Variants in TMEM108 observed in about 807,000 individuals in gnomAD.
TMEM108 encodes the protein cancer/testis antigen 124.
TMEM108 carries 12 observed loss-of-function variants against 35.1 expected under a neutral mutation model. The ratio of observed to expected loss-of-function variants is 0.34; its 90% CI spans 0.22 to 0.55. The LOEUF (loss-of-function observed/expected upper bound fraction) is 0.55, where lower values mean the gene tolerates loss of function less well. Among genes scored for constraint, TMEM108 ranks in the 20% least tolerant of loss-of-function variants. TMEM108 has a pLI of 0.89. For missense variants in TMEM108, 680 were observed against 753.3 expected (o/e 0.90, Z 1.14); for synonymous variants, 287 against 308.6 (o/e 0.93, Z 0.73).
At chr3:133,119,713 C>T (rs1342045005) in intron 2 of TMEM108, among the ~76,000 whole-genome samples, 1 of 152,148 alleles carries the variant, frequency 6.6e-6, no homozygotes, top group African/African-American at 2.4e-5. Flanking sequence ...AGGATTTCTT[C>T]TTGGCGATGT....
At position 133,309,699 on chromosome 3, in the gene TMEM108, T is replaced by C. The variant is rs1296746429; in HGVS notation, c.41-70053T>C. 2.1e-4 allele frequency among the ~76,000 whole-genome samples: 19 copies of C among 88,802 alleles called. No homozygotes were observed. In the East Asian group the frequency reaches 9.9e-3, roughly 46 times the overall value. 58.3% of individuals were successfully genotyped at this position (88,802 alleles called of 152,430 possible). A position where few individuals can be genotyped will look rare whatever the true frequency, so the allele number is the denominator to read the frequency against. Reference sequence around the variant, plus strand: ...GTGAGTTTCTTTTTTTTTTTTTTTTTTTTTTTTTTTTTTTTTTTTGAGACG... The same window carrying C: ...GTGAGTTTCTTTTTTTTTTTTTTTTCTTTTTTTTTTTTTTTTTTTGAGACG... On this transcript the variant is annotated intron_variant, in intron 3 of 5. Coordinates refer to ENST00000321871, the MANE Select transcript of TMEM108 (RefSeq NM_023943.4).
chr3:133,110,502 G>A (rs1331485997), intron 2 of TMEM108, among the ~76,000 whole-genome samples: 1 of 152,106 alleles, frequency 6.6e-6, no homozygotes, highest in African/African-American at 2.4e-5. Flanking sequence ...AGGCATGTTC[G>A]TGACATTTCT....
chr3:133,119,761 T>G (rs1238478649), intron 2 of TMEM108, among the ~76,000 whole-genome samples: 1 of 152,226 alleles, frequency 6.6e-6, no homozygotes, highest in African/African-American at 2.4e-5. Context: ...TAAAACTCCA[T>G]TTTTAAAAAC....
chr3:133,146,632 C>T (rs1944724747), intron 2 of TMEM108, among the ~76,000 whole-genome samples: 1 of 152,140 alleles, frequency 6.6e-6, no homozygotes, highest in Non-Finnish European at 1.5e-5. Context: ...ATTACTGCCT[C>T]AATTTTAGAA....
At chr3:133,044,204 A>G (rs529584835) in intron 1 of TMEM108, among the ~76,000 whole-genome samples, 6 of 152,262 alleles carry the variant, frequency 3.9e-5, no homozygotes, top group African/African-American at 1.4e-4. Context: ...ATGTTATGTA[A>G]TGTCAATTTT....
intron 3 of TMEM108, among the ~76,000 whole-genome samples, chr3:133,296,841 A>G (rs962621769): frequency 1.3e-5 from 2 of 152,216 alleles, no homozygotes; most frequent in Non-Finnish European, 2.9e-5. Flanking sequence ...ATTCTCAAGT[A>G]TAGAATCTCT....
At chr3:133,263,807 G>C (rs1946658307) in intron 3 of TMEM108, among the ~76,000 whole-genome samples, 1 of 152,180 alleles carries the variant, frequency 6.6e-6, no homozygotes, top group Admixed American at 6.5e-5. Context: ...CAAGGGATAG[G>C]AGAGCTACTG....
chr3:133,253,174 A>G (rs1157777768), intron 3 of TMEM108, among the ~76,000 whole-genome samples: 1 of 152,176 alleles, frequency 6.6e-6, no homozygotes, highest in African/African-American at 2.4e-5. Context: ...TGTACAGAGA[A>G]ACCTATTACA....
At chr3:133,127,540 A>G (rs1045691761) in intron 2 of TMEM108, among the ~76,000 whole-genome samples, 3 of 152,202 alleles carry the variant, frequency 2.0e-5, no homozygotes, top group African/African-American at 7.2e-5. Context: ...GCAAGGAGTT[A>G]TCTGTCTGGT....
chr3:133,055,542 C>G (rs7634595), intron 2 of TMEM108, among the ~76,000 whole-genome samples: 1 of 152,134 alleles, frequency 6.6e-6, no homozygotes, highest in Admixed American at 6.5e-5. Flanking sequence ...TAAATGTGCA[C>G]GGGGGGTGGT....
At chr3:133,365,191 G>A (rs1408540799) in intron 3 of TMEM108, among the ~76,000 whole-genome samples, 2 of 152,098 alleles carry the variant, frequency 1.3e-5, no homozygotes, top group Non-Finnish European at 2.9e-5. Context: ...TGTGGGTTGG[G>A]GAAGGAATCT....
At chr3:133,270,829 T>TCA (rs370143465) in intron 3 of TMEM108, among the ~76,000 whole-genome samples, 2,149 of 147,140 alleles carry the variant, frequency 0.015, 58 homozygotes, top group African/African-American at 0.051. Context: ...ACTCACACAC[T>TCA]CACACACACA....
intron 2 of TMEM108, among the ~76,000 whole-genome samples, chr3:133,113,214 T>G (rs1944247237): frequency 2.0e-5 from 3 of 151,986 alleles, no homozygotes; most frequent in African/African-American, 7.3e-5. Flanking sequence ...AGGTATCCGA[T>G]AGGTGTTAGA....
At chr3:133,309,588 A>T (rs2071093558) in intron 3 of TMEM108, among the ~76,000 whole-genome samples, 1 of 148,220 alleles carries the variant, frequency 6.7e-6, no homozygotes, top group African/African-American at 2.5e-5. Flanking sequence ...TTTCAACCTT[A>T]ATTTTTTTCT....
chr3:133,142,704 T>C (rs1944658068), intron 2 of TMEM108, among the ~76,000 whole-genome samples: 1 of 152,226 alleles, frequency 6.6e-6, no homozygotes, highest in East Asian at 1.9e-4. Context: ...AAACACCTGC[T>C]AATACTTTAA....
At chr3:133,132,812 G>T (rs555473524) in intron 2 of TMEM108, among the ~76,000 whole-genome samples, 2 of 152,078 alleles carry the variant, frequency 1.3e-5, no homozygotes, top group South Asian at 4.2e-4. Flanking sequence ...ATGCCATTAA[G>T]AACATTCGTG....
intron 2 of TMEM108, among the ~76,000 whole-genome samples, chr3:133,113,131 T>A (rs1576325011): frequency 6.6e-6 from 1 of 151,884 alleles, no homozygotes; most frequent in African/African-American, 2.4e-5. Flanking sequence ...GGAAGGAGGG[T>A]TTTCCTGAAA....
At chr3:133,307,072 C>G (rs910589865) in intron 3 of TMEM108, among the ~76,000 whole-genome samples, 1 of 152,210 alleles carries the variant, frequency 6.6e-6, no homozygotes, top group East Asian at 1.9e-4. Context: ...TTCTAACTGG[C>G]GTGAGATGGT....
chr3:133,226,163 G>C (rs190461903), intron 2 of TMEM108, among the ~76,000 whole-genome samples: 1 of 152,344 alleles, frequency 6.6e-6, no homozygotes, highest in Non-Finnish European at 1.5e-5. Flanking sequence ...ATAGAAAGGA[G>C]TGTCTGGGTT....
Sources: allele counts gnomAD v4.1 joint callset (sites outside exome capture counted in the v4.1 genomes callset), GRCh38; gene constraint gnomAD v4.1.1; transcripts MANE v1.5; gene names NCBI Gene and HGNC (gene_info 2026-07-23, HGNC 2026-07-21).